Variants in DDI2 observed in about 807,000 individuals in gnomAD.
DDI2 encodes protein DDI1 homolog 2.
DDI2 carries 5 observed loss-of-function variants against 48.1 expected under a neutral mutation model. The observed-to-expected ratio is 0.10, with a 90% CI of 0.05 to 0.22. The LOEUF is 0.22. Among genes scored for constraint, DDI2 ranks in the 10% least tolerant of loss-of-function variants. DDI2 has a pLI of 1.00. For missense variants in DDI2, 285 were observed against 506.2 expected, an observed-to-expected ratio of 0.56 and a Z score of 4.19; for synonymous variants, 205 against 183.6, an observed-to-expected ratio of 1.12 and a Z score of -0.94.
intron 5 of DDI2, among the ~76,000 whole-genome samples, chr1:15,638,761 C>T (rs1014286748): frequency 6.6e-6 from 1 of 152,094 alleles, no homozygotes; most frequent in Non-Finnish European, 1.5e-5. Flanking sequence ...TCTTGAACTC[C>T]TGACCTCAAG....
intron 1 of DDI2, among the ~76,000 whole-genome samples, chr1:15,624,787 A>AT (rs1046046167): frequency 1.2e-4 from 18 of 151,950 alleles, no homozygotes; most frequent in African/African-American, 2.2e-4. Context: ...CCAAGGTATG[A>AT]TTTTTTCACA....
At position 15,656,607 on chromosome 1, in the gene DDI2, A is replaced by T. The variant is rs1400923450; in HGVS notation, c.1184-10A>T. 6.2e-7 allele frequency: 1 copy of T among 1,614,062 alleles called. No individual in the cohort carries two copies. The highest frequency in any genetic ancestry group is 8.5e-7 in the Non-Finnish European group (1 of 1,180,020). On this transcript the variant is annotated splice_polypyrimidine_tract_variant and intron_variant, in intron 8 of 9. Coordinates refer to ENST00000480945, the MANE Select transcript of DDI2 (RefSeq NM_032341.5). The stretch of plus-strand genomic sequence containing the variant: ...CCCAAGTTTGCTTGTCTGTTTCCTA[A>T]TTCACACAGAGCGTCAGAAGCCATG...
chr1:15,660,692 T>C lies in DDI2; in HGVS notation c.*902T>C, dbSNP rs199990782. 9.4e-5 allele frequency: 152 copies of C among 1,614,062 alleles called. 1 individual carries two copies. The highest frequency in any genetic ancestry group is 1.2e-4 in the Non-Finnish European group (146 of 1,180,046). On this transcript the variant is annotated 3_prime_UTR_variant, in exon 10 of 10. Coordinates refer to ENST00000480945, the MANE Select transcript of DDI2 (RefSeq NM_032341.5). ...AGGCAGAATGCCAATGTCAAGAACA[T>C]TGGTGCATTGGATCTCACTTTAGAT...
intron 1 of DDI2, among the ~76,000 whole-genome samples, chr1:15,620,329 C>T (rs539984146): frequency 1.3e-5 from 2 of 152,228 alleles, no homozygotes; most frequent in African/African-American, 4.8e-5. Flanking sequence ...GAACAGGATC[C>T]ACCCTAGACA....
At position 15,660,801 on chromosome 1, in the gene DDI2, G is replaced by A. The variant is rs1308556930; in HGVS notation, c.*1011G>A. The A allele has an allele frequency of 6.2e-6, 10 of 1,614,014 alleles. No individual in the cohort carries two copies. The highest frequency in any genetic ancestry group is 2.2e-5 in the East Asian group (1 of 44,884). On this transcript the variant is annotated 3_prime_UTR_variant, in exon 10 of 10. Coordinates refer to ENST00000480945, the MANE Select transcript of DDI2 (RefSeq NM_032341.5). Reference sequence around the variant, plus strand: ...ATTCCATTTCCACTCAGGATTTACAGCCCCCAGAAACTAATGTTGAAATAC... The same window carrying A: ...ATTCCATTTCCACTCAGGATTTACAACCCCCAGAAACTAATGTTGAAATAC...
At position 15,666,055 on chromosome 1, in the gene DDI2, TAGG is replaced by T. The variant is rs555051655; in HGVS notation, c.*6269_*6271del. ...AGAAGATGAATGTTACCTTTTGTGT[TAGG>T]AGGTAGAGAAAATAAAAATAGCTTT... On this transcript the variant is annotated 3_prime_UTR_variant, in exon 10 of 10. Transcript: ENST00000480945. The T allele has an allele frequency of 9.1e-4, 138 of 152,334 alleles. No homozygotes were observed. The highest frequency in any genetic ancestry group is 3.1e-3 in the African/African-American group (131 of 41,592). 9.4% of individuals were successfully genotyped at this position (152,334 alleles called of 1,614,324 possible). A position where few individuals can be genotyped will look rare whatever the true frequency, so the allele number is the denominator to read the frequency against.
At chr1:15,654,410 T>C (rs372866874) in intron 8 of DDI2, among the ~76,000 whole-genome samples, 4 of 152,124 alleles carry the variant, frequency 2.6e-5, no homozygotes, top group Admixed American at 6.6e-5. Flanking sequence ...CCCAGTACTT[T>C]GGTAGGCCAA....
In DDI2 at chr1:15,661,394, A is replaced by C; in HGVS notation, c.*1604A>C. Reference sequence around the variant, plus strand: ...GAGGATGCACTCAATCAGACTTCTGAGCAAACTAAGTCTTTGTCATCCAAT... The same window carrying C: ...GAGGATGCACTCAATCAGACTTCTGCGCAAACTAAGTCTTTGTCATCCAAT... On this transcript the variant is annotated 3_prime_UTR_variant, in exon 10 of 10. Coordinates refer to ENST00000480945, the MANE Select transcript of DDI2 (RefSeq NM_032341.5). 1 of 1,614,204 alleles carries C rather than the reference A, an allele frequency of 6.2e-7. No individual in the cohort carries two copies. The highest frequency in any genetic ancestry group is 8.5e-7 in the Non-Finnish European group (1 of 1,180,040).
chr1:15,656,348 CGT>C, intron 8 of DDI2: 1 of 1,249,618 alleles, frequency 8.0e-7, no homozygotes, highest in South Asian at 1.7e-5. Flanking sequence ...CACATTTGCC[CGT>C]GAATTCTCTA....
At chr1:15,636,127 G>A (rs1018743503) in intron 4 of DDI2, among the ~76,000 whole-genome samples, 16 of 152,134 alleles carry the variant, frequency 1.1e-4, no homozygotes, top group African/African-American at 3.4e-4. Context: ...TAGAGCAGGA[G>A]TCAGCAGAGT....
At chr1:15,643,182 T>G (rs1163202992) in intron 5 of DDI2, among the ~76,000 whole-genome samples, 1 of 152,222 alleles carries the variant, frequency 6.6e-6, no homozygotes, top group Non-Finnish European at 1.5e-5. Context: ...TTAGAGATAC[T>G]CGGTAAGAAG....
chr1:15,666,859 G>A lies in DDI2; in HGVS notation c.*7069G>A, dbSNP rs1640461244. Reference sequence around the variant, plus strand: ...CCTGGTTCCACTTCAGAGCAGACTGGGAAAATCAGGCTTACAATGGAATCA... The same window carrying A: ...CCTGGTTCCACTTCAGAGCAGACTGAGAAAATCAGGCTTACAATGGAATCA... On this transcript the variant is annotated 3_prime_UTR_variant, in exon 10 of 10. Transcript: ENST00000480945. The A allele has an allele frequency of 1.3e-5, 2 of 152,164 alleles. No individual in the cohort carries two copies. Among genetic ancestry groups the A allele is most frequent in the Admixed American group, 1.3e-4 (2 of 15,278 alleles). The allele number at this position is 152,164 out of a possible 1,614,324, so 9.4% of individuals were successfully genotyped here. A position where few individuals can be genotyped will look rare whatever the true frequency, so the allele number is the denominator to read the frequency against.
At chr1:15,623,888 G>C (rs969102240) in intron 1 of DDI2, among the ~76,000 whole-genome samples, 1 of 151,776 alleles carries the variant, frequency 6.6e-6, no homozygotes, top group Non-Finnish European at 1.5e-5. Context: ...GTGAAACCCC[G>C]TCTCTACAAA....
intron 6 of DDI2, among the ~76,000 whole-genome samples, chr1:15,645,857 GA>G (rs1188034238): frequency 7.6e-6 from 1 of 130,960 alleles, no homozygotes; most frequent in Non-Finnish European, 1.6e-5. Flanking sequence ...ATGACAATGA[GA>G]ACTCGTCTCA....
At position 15,661,875 on chromosome 1, in the gene DDI2, TC is replaced by T. The variant is rs1370595685; in HGVS notation, c.*2086del. The T allele has an allele frequency of 1.1e-5, 12 of 1,101,312 alleles. No individual in the cohort carries two copies. The highest frequency in any genetic ancestry group is 3.3e-4 in the Middle Eastern group (1 of 3,070). 68.2% of individuals were successfully genotyped at this position (1,101,312 alleles called of 1,614,324 possible). ...GCCAGATTTTTTTTAAAGATTTTTT[TC>T]GGCCAAAGTAATTTATGATCTTTTG... On this transcript the variant is annotated 3_prime_UTR_variant, in exon 10 of 10. Coordinates refer to ENST00000480945, the MANE Select transcript of DDI2 (RefSeq NM_032341.5).
chr1:15,631,225 G>T (rs1380381654), intron 3 of DDI2, among the ~76,000 whole-genome samples: 1 of 152,136 alleles, frequency 6.6e-6, no homozygotes, highest in Non-Finnish European at 1.5e-5. Context: ...TGCCAGGAAG[G>T]TTCAGTGCCC....
chr1:15,630,595 G>T, intron 3 of DDI2, 34 bp downstream of exon 3: 3 of 1,462,700 alleles, frequency 2.1e-6, no homozygotes, highest in Non-Finnish European at 2.9e-6. Flanking sequence ...TATTAGGCTG[G>T]CCTGAGGTGA....
At chr1:15,621,808 A>G (rs1264480812) in intron 1 of DDI2, among the ~76,000 whole-genome samples, 3 of 152,240 alleles carry the variant, frequency 2.0e-5, no homozygotes, top group South Asian at 2.1e-4. Context: ...GTAACATGCC[A>G]TGAACATCCA....
intron 6 of DDI2, 35 bp from the exon 7 acceptor site, chr1:15,649,685 G>GT (rs1315850078): frequency 1.3e-6 from 2 of 1,595,304 alleles, no homozygotes; most frequent in Non-Finnish European, 1.7e-6. Flanking sequence ...TTTGAAGTAC[G>GT]TAACAATAAC....
Sources: gnomAD v4.1 joint callset for allele counts (sites outside exome capture counted in the v4.1 genomes callset) on GRCh38, gnomAD v4.1.1 for gene constraint, MANE v1.5 for transcripts, NCBI Gene and HGNC (gene_info 2026-07-23, HGNC 2026-07-21) for gene names.